The following MGST2 variants were observed in gnomAD, a reference collection of about 807,000 sequenced individuals.
MGST2 encodes the protein microsomal glutathione S-transferase 2, also known as glutathione peroxidase MGST2.
A neutral mutation model predicts 16.6 loss-of-function variants in MGST2; 9 were observed. The ratio of observed to expected loss-of-function variants is 0.54; its 90% CI spans 0.33 to 0.95. MGST2 has a LOEUF of 0.95. Among genes scored for constraint, MGST2 ranks in the 40% least tolerant of loss-of-function variants. The pLI, the probability that MGST2 is intolerant of heterozygous loss-of-function variation, is 0.03. For missense variants in MGST2, 159 were observed against 175.1 expected, an observed-to-expected ratio of 0.91 and a Z score of 0.52; for synonymous variants, 79 against 68.0, an observed-to-expected ratio of 1.16 and a Z score of -0.79.
chr4:139,671,842 G>T (rs375813125), intron 1 of MGST2, among the ~76,000 whole-genome samples: 3 of 151,950 alleles, frequency 2.0e-5, no homozygotes, highest in African/African-American at 7.3e-5. Flanking sequence ...GGGTTTCACC[G>T]TGTGGGCCAG....
chr4:139,740,999 T>C (rs1299191578), downstream of MGST2, among the ~76,000 whole-genome samples: 1 of 152,204 alleles, frequency 6.6e-6, no homozygotes, highest in African/African-American at 2.4e-5. Flanking sequence ...GTTTCCCGAC[T>C]GCTGAACCTG....
intron 5 of MGST2, among the ~76,000 whole-genome samples, chr4:139,732,423 A>C (rs1164828728): frequency 1.3e-5 from 2 of 152,168 alleles, no homozygotes; most frequent in African/African-American, 4.8e-5. Context: ...CAAACAAAAC[A>C]AAACAGCAAA....
chr4:139,722,485 G>A (rs1408626194), intron 5 of MGST2, among the ~76,000 whole-genome samples: 1 of 152,100 alleles, frequency 6.6e-6, no homozygotes, highest in Non-Finnish European at 1.5e-5. Context: ...TTGGTCTAAA[G>A]CAGATATTAT....
intron 2 of MGST2, 22 bp from the exon 3 acceptor site, chr4:139,695,175 A>G: frequency 6.5e-7 from 1 of 1,536,146 alleles, no homozygotes. Context: ...AAAATAACCT[A>G]TGTCTTTATT....
At position 139,735,753 on chromosome 4, in the gene MGST2, G is replaced by C. The variant is rs1233625042; in HGVS notation, c.*49-4459G>C. 6.6e-6 allele frequency among the ~76,000 whole-genome samples: 1 copy of C among 152,238 alleles called. No homozygotes were observed. Among genetic ancestry groups the C allele is most frequent in the Non-Finnish European group, 1.5e-5 (1 of 68,036 alleles). On this transcript the variant is annotated intron_variant, in intron 5 of 5. Transcript: ENST00000616265. This position sits in a 1 kb window ranked among gnomAD's most constrained non-coding sequence, Gnocchi z 5.8. ...GTCCTCAGGGGACTCCGGCTAGGAAGTCAGGAGTGGGGCCCGTGCGTCCCC... is the reference window on the plus strand; with the variant it reads ...GTCCTCAGGGGACTCCGGCTAGGAACTCAGGAGTGGGGCCCGTGCGTCCCC...
At chr4:139,701,697 C>T (rs1247467546) in intron 3 of MGST2, among the ~76,000 whole-genome samples, 1 of 152,076 alleles carries the variant, frequency 6.6e-6, no homozygotes, top group East Asian at 1.9e-4. Context: ...GGTGTGGTGG[C>T]TCACACCTGC....
chr4:139,665,819 A>G lies in MGST2; in HGVS notation c.-201A>G. The G allele has an allele frequency of 1.5e-6, 1 of 652,838 alleles. No homozygotes were observed. Among genetic ancestry groups the G allele is most frequent in the Non-Finnish European group, 2.8e-6 (1 of 359,916 alleles). 40.4% of individuals were successfully genotyped at this position (652,838 alleles called of 1,614,324 possible). Reference sequence around the variant, plus strand: ...AACGCCGGAAGCAACTCCCAGCCCCATAAAGATCTGTGACCGGCAGCCCCA... The same window carrying G: ...AACGCCGGAAGCAACTCCCAGCCCCGTAAAGATCTGTGACCGGCAGCCCCA... On this transcript the variant is annotated 5_prime_UTR_variant, in exon 1 of 5. Transcript: ENST00000265498.
chr4:139,710,920 C>G (rs970182859), intron 5 of MGST2, among the ~76,000 whole-genome samples: 7 of 151,772 alleles, frequency 4.6e-5, no homozygotes, highest in Non-Finnish European at 7.4e-5. Context: ...GATTTATTAA[C>G]AAAGGGCTCT....
At chr4:139,732,974 A>G (rs527263171) in intron 5 of MGST2, among the ~76,000 whole-genome samples, 1 of 152,332 alleles carries the variant, frequency 6.6e-6, no homozygotes, top group African/African-American at 2.4e-5. Context: ...AATGCCAGGA[A>G]CCTTTGTGCT....
chr4:139,665,948 G>GA lies in MGST2; in HGVS notation c.-70dup, dbSNP rs1730308105. On this transcript the variant is annotated 5_prime_UTR_variant, in exon 1 of 5. Transcript: ENST00000265498. ...TCCCCAACTTTGTTTACCCGATAAG[G>GA]AAGGTCAGCATTCAAAGTCAAGAAG... 6.7e-7 allele frequency: 1 copy of GA among 1,482,874 alleles called. No homozygotes were observed. 91.9% of individuals were successfully genotyped at this position (1,482,874 alleles called of 1,614,324 possible).
chr4:139,683,955 C>T (rs1376699346), intron 2 of MGST2, among the ~76,000 whole-genome samples: 1 of 129,990 alleles, frequency 7.7e-6, no homozygotes, highest in East Asian at 2.4e-4. Flanking sequence ...GATGGAGTCT[C>T]ACCCTGTCAC....
At chr4:139,668,297 A>G (rs1222017794) in intron 1 of MGST2, among the ~76,000 whole-genome samples, 2 of 152,202 alleles carry the variant, frequency 1.3e-5, no homozygotes, top group African/African-American at 4.8e-5. Context: ...AATGTTTCTT[A>G]TGAGACTTGA....
At chr4:139,722,149 G>T (rs1250615036) in intron 5 of MGST2, among the ~76,000 whole-genome samples, 1 of 152,156 alleles carries the variant, frequency 6.6e-6, no homozygotes, top group Non-Finnish European at 1.5e-5. Context: ...TGAGAAATAG[G>T]TTCCTTTCTT....
chr4:139,668,595 C>T (rs147246235), intron 1 of MGST2, among the ~76,000 whole-genome samples: 1 of 135,100 alleles, frequency 7.4e-6, no homozygotes, highest in African/African-American at 2.8e-5. Context: ...AAGAAAGACA[C>T]AGAGAGAGAG....
At chr4:139,693,175 T>C (rs2110872010) in intron 2 of MGST2, among the ~76,000 whole-genome samples, 1 of 151,820 alleles carries the variant, frequency 6.6e-6, no homozygotes, top group East Asian at 1.9e-4. Flanking sequence ...CCCAGCACTT[T>C]GGGAGGCCGA....
In MGST2 at chr4:139,698,912, A is replaced by G. The variant is rs530551270; in HGVS notation, c.229+3645A>G. Among the ~76,000 whole-genome samples, 11 of 151,348 alleles carry G rather than the reference A, an allele frequency of 7.3e-5. No individual in the cohort carries two copies. In the East Asian group the frequency reaches 1.9e-3, roughly 27 times the overall value. On this transcript the variant is annotated intron_variant, in intron 3 of 4. Transcript: ENST00000265498. ...AGCTCACAGCTGCAGACCTCAATCT[A>G]TGACACATATTAAGCCATTCAATTT...
chr4:139,739,864 A>C (rs1729100278), intron 5 of MGST2, among the ~76,000 whole-genome samples: 1 of 152,080 alleles, frequency 6.6e-6, no homozygotes, highest in African/African-American at 2.4e-5. Context: ...TTATTTTTAA[A>C]AGCTTGTTAA....
At position 139,727,228 on chromosome 4, in the gene MGST2, C is replaced by A. The variant is rs143877922; in HGVS notation, c.*49-12984C>A. Among the ~76,000 whole-genome samples the A allele has an allele frequency of 1.7e-3, 252 of 152,308 alleles. 2 individuals carry two copies. Among genetic ancestry groups the A allele is most frequent in the African/African-American group, 5.5e-3 (228 of 41,560 alleles). ...CAGCCTCTGACTCGTTGACCCCATC[C>A]CATGGTTCCTACCATAATGTTCTAC... is the stretch of plus-strand genomic sequence containing the variant. On this transcript the variant is annotated intron_variant, in intron 5 of 5. Transcript: ENST00000616265.
intron 5 of MGST2, among the ~76,000 whole-genome samples, chr4:139,716,060 C>T (rs751274036): frequency 2.0e-5 from 3 of 152,150 alleles, no homozygotes; most frequent in Non-Finnish European, 4.4e-5. Context: ...CTACAGTGCC[C>T]GGTCTGGGGG....
Sources: allele counts gnomAD v4.1 joint callset (sites outside exome capture counted in the v4.1 genomes callset), GRCh38; gene constraint gnomAD v4.1.1; non-coding constraint Gnocchi (gnomAD v3.1); transcripts MANE v1.5; gene names NCBI Gene and HGNC (gene_info 2026-07-23, HGNC 2026-07-21).